Variants in CHD1L observed in about 807,000 individuals in gnomAD.
CHD1L encodes chromodomain helicase DNA binding protein 1 like.
Under a neutral mutation model 115.9 loss-of-function variants are expected in CHD1L, and 118 were observed. The observed-to-expected ratio is 1.02, with a 90% CI of 0.88 to 1.19. CHD1L has a LOEUF of 1.19. Among genes scored for constraint, CHD1L ranks in the 50% most tolerant of loss-of-function variants. CHD1L has a pLI of 0.00. For synonymous variants in CHD1L, 411 were observed against 387.1 expected, an observed-to-expected ratio of 1.06 and a Z score of -0.72; for missense variants, 1,179 against 1,065.3, an observed-to-expected ratio of 1.11 and a Z score of -1.49.
At position 147,295,650 on chromosome 1, in the gene CHD1L, CTG is replaced by C; in HGVS notation, c.*142_*143del. On this transcript the variant is annotated 3_prime_UTR_variant, in exon 23 of 23. Transcript: ENST00000369258. ...TTTTCTGAGTTTCAGTTTGGTTCTCCTGGATGTTTTGCTCTGTTTTGGTACCT... is the reference window on the plus strand; with the variant it reads ...TTTTCTGAGTTTCAGTTTGGTTCTCCGATGTTTTGCTCTGTTTTGGTACCT... 1.5e-6 allele frequency: 1 copy of C among 654,378 alleles called. No homozygotes were observed. Among genetic ancestry groups the C allele is most frequent in the Non-Finnish European group, 2.5e-6 (1 of 398,516 alleles). 40.5% of individuals were successfully genotyped at this position (654,378 alleles called of 1,614,324 possible).
chr1:147,218,229 T>C, the CHD1L span, among the ~76,000 whole-genome samples: 1 of 133,378 alleles, frequency 7.5e-6, no homozygotes, highest in African/African-American at 2.9e-5. Context: ...AATTATAGTA[T>C]CTCAACATGC....
intron 7 of CHD1L, 97 bp downstream of exon 7, chr1:147,264,681 A>G: frequency 8.1e-7 from 1 of 1,237,720 alleles, no homozygotes; most frequent in East Asian, 2.4e-5. Context: ...AGAATTGATG[A>G]CCAGAGGACA....
the CHD1L span, chr1:147,215,806 T>C: frequency 2.5e-6 from 4 of 1,613,568 alleles, no homozygotes; most frequent in South Asian, 4.4e-5. Context: ...CATCCTGAAA[T>C]ACTCCAGGAC....
chr1:147,255,969 A>G (rs1669985761), intron 4 of CHD1L, 42 bp downstream of exon 4: 1 of 1,374,952 alleles, frequency 7.3e-7, no homozygotes, highest in Non-Finnish European at 1.0e-6. Flanking sequence ...CTAACCTGTG[A>G]CCTTAGAAGT....
chr1:147,267,322 A>T, intron 8 of CHD1L, 104 bp from the exon 9 acceptor site: 1 of 731,838 alleles, frequency 1.4e-6, no homozygotes, highest in South Asian at 1.8e-5. Flanking sequence ...TTCAAAGGAT[A>T]TAATTGAAAT....
chr1:147,290,562 G>A (rs149349038), intron 19 of CHD1L, among the ~76,000 whole-genome samples: 1 of 152,266 alleles, frequency 6.6e-6, no homozygotes, highest in African/African-American at 2.4e-5. Context: ...CAAGGTCATG[G>A]GTTTTGTAAA....
upstream of CHD1L, among the ~76,000 whole-genome samples, chr1:147,241,507 G>A (rs1294473010): frequency 8.6e-5 from 13 of 151,894 alleles, no homozygotes; most frequent in African/African-American, 1.2e-4. Context: ...GACTCTTTTC[G>A]GACTCAGCCC....
the CHD1L span, among the ~76,000 whole-genome samples, chr1:147,229,555 G>A: frequency 6.6e-6 from 1 of 152,112 alleles, no homozygotes; most frequent in African/African-American, 2.4e-5. Context: ...GAAAGTCATT[G>A]GTTGCTTGAT....
chr1:147,248,134 T>C (rs1277941520), intron 1 of CHD1L, among the ~76,000 whole-genome samples: 3 of 152,248 alleles, frequency 2.0e-5, no homozygotes, highest in Non-Finnish European at 4.4e-5. Context: ...TTTTCACTTA[T>C]TTAATTATTT....
At chr1:147,235,195 C>G in the CHD1L span, among the ~76,000 whole-genome samples, 1 of 151,736 alleles carries the variant, frequency 6.6e-6, no homozygotes, top group African/African-American at 2.4e-5. Context: ...AACACTATGC[C>G]TGTAGACACC....
At chr1:147,229,077 C>A in the CHD1L span, among the ~76,000 whole-genome samples, 2 of 152,096 alleles carry the variant, frequency 1.3e-5, no homozygotes, top group African/African-American at 4.8e-5. Flanking sequence ...GACATGAAGT[C>A]CTTGCCCATG....
At chr1:147,187,119 T>C in the CHD1L span, 2 of 1,614,104 alleles carry the variant, frequency 1.2e-6, no homozygotes, top group East Asian at 2.2e-5. Flanking sequence ...GTAATAAGTG[T>C]AATGCCAGCT....
the CHD1L span, among the ~76,000 whole-genome samples, chr1:147,212,051 G>T: frequency 6.6e-6 from 1 of 152,154 alleles, no homozygotes; most frequent in East Asian, 1.9e-4. Context: ...TCTCAATACT[G>T]CTTTCTAACA....
At chr1:147,206,379 G>A in the CHD1L span, among the ~76,000 whole-genome samples, 1 of 152,164 alleles carries the variant, frequency 6.6e-6, no homozygotes, top group Admixed American at 6.5e-5. Context: ...AAAAGAACTA[G>A]AAATACCATT....
intron 20 of CHD1L, among the ~76,000 whole-genome samples, chr1:147,291,886 A>G (rs1685678441): frequency 6.6e-6 from 1 of 152,094 alleles, no homozygotes; most frequent in African/African-American, 2.4e-5. Context: ...AGAATGGATC[A>G]GGCCCCACCC....
intron 15 of CHD1L, among the ~76,000 whole-genome samples, chr1:147,283,407 T>C (rs1169648876): frequency 6.6e-6 from 1 of 152,228 alleles, no homozygotes. Context: ...CTACTAAATA[T>C]GCTTCCCGAT....
intron 15 of CHD1L, among the ~76,000 whole-genome samples, chr1:147,282,067 C>T (rs1681115998): frequency 6.6e-6 from 1 of 152,122 alleles, no homozygotes; most frequent in African/African-American, 2.4e-5. Context: ...CTCTTGTTCT[C>T]ATCGATAGTT....
the CHD1L span, among the ~76,000 whole-genome samples, chr1:147,198,825 T>C: frequency 1.7e-5 from 2 of 119,500 alleles, no homozygotes; most frequent in Non-Finnish European, 3.2e-5. Flanking sequence ...CACTCCAGCC[T>C]GGGCGACAGA....
the CHD1L span, chr1:147,208,997 C>T: frequency 4.6e-5 from 74 of 1,614,026 alleles, no homozygotes; most frequent in African/African-American, 8.9e-4. Flanking sequence ...GCAGGATATC[C>T]GTAGTCCCCT....
Sources: allele counts gnomAD v4.1 joint callset (sites outside exome capture counted in the v4.1 genomes callset), GRCh38; gene constraint gnomAD v4.1.1; transcripts MANE v1.5; gene names NCBI Gene and HGNC (gene_info 2026-07-23, HGNC 2026-07-21).